The following RGS22 variants were observed in gnomAD, a reference collection of about 807,000 sequenced individuals.
The protein encoded by RGS22 is regulator of G protein signaling 22.
In RGS22, 148 loss-of-function variants were observed where a neutral mutation model predicts 172.9. That is an observed-to-expected ratio of 0.86 (90% CI 0.75 to 0.98). The LOEUF (loss-of-function observed/expected upper bound fraction) is 0.98, where lower values mean the gene tolerates loss of function less well. Among genes scored for constraint, RGS22 ranks in the 50% least tolerant of loss-of-function variants. RGS22 has a pLI of 0.00. For missense variants in RGS22, 1,347 were observed against 1,440.8 expected, an observed-to-expected ratio of 0.93 and a Z score of 1.05; for synonymous variants, 458 against 480.2, an observed-to-expected ratio of 0.95 and a Z score of 0.60.
chr8:100,019,907 G>A (rs1354963636), intron 14 of RGS22, among the ~76,000 whole-genome samples: 6 of 149,292 alleles, frequency 4.0e-5, no homozygotes, highest in African/African-American at 1.5e-4. Flanking sequence ...TTTTTTAGAT[G>A]GAGTTTCACT....
At chr8:100,023,084 A>G (rs906596444) in intron 14 of RGS22, among the ~76,000 whole-genome samples, 21 of 152,216 alleles carry the variant, frequency 1.4e-4, no homozygotes, top group African/African-American at 4.8e-4. Flanking sequence ...CAGTATGATA[A>G]TCTATGCTAA....
intron 14 of RGS22, among the ~76,000 whole-genome samples, chr8:100,025,003 TATAAATAA>T (rs71572051): frequency 0.02 from 2,892 of 147,334 alleles, 88 homozygotes; most frequent in East Asian, 0.11. Context: ...AAAGAGGATC[TATAAATAA>T]ATAAATAAAT....
At chr8:99,975,012 G>T (rs1811780665) in intron 23 of RGS22, among the ~76,000 whole-genome samples, 1 of 151,886 alleles carries the variant, frequency 6.6e-6, no homozygotes, top group African/African-American at 2.4e-5. Context: ...CAGGCGTGGT[G>T]GTATGCACCT....
At position 99,972,917 on chromosome 8, in the gene RGS22, C is replaced by T. The variant is rs143763388; in HGVS notation, c.3519+5000G>A. ...GGTGTGGTGGTGGGCGACTGTAGTC[C>T]CAGCTACTCGGGAGGCTGAGGCAGG... On this transcript the variant is annotated intron_variant, in intron 23 of 27. Coordinates refer to ENST00000360863, the MANE Select transcript of RGS22 (RefSeq NM_015668.5). Among the ~76,000 whole-genome samples, 1,083 of 150,758 alleles carry T rather than the reference C, an allele frequency of 7.2e-3. 19 individuals carry two copies. Among genetic ancestry groups the T allele is most frequent in the African/African-American group, 0.026 (1,049 of 40,876 alleles).
At chr8:100,014,447 C>T (rs1374232905) in intron 14 of RGS22, among the ~76,000 whole-genome samples, 2 of 152,218 alleles carry the variant, frequency 1.3e-5, no homozygotes, top group African/African-American at 4.8e-5. Flanking sequence ...GGAAGTCTGG[C>T]TTCCATGCCA....
At chr8:99,961,800 T>C (rs1409161193) in intron 27 of RGS22, among the ~76,000 whole-genome samples, 1 of 152,036 alleles carries the variant, frequency 6.6e-6, no homozygotes, top group African/African-American at 2.4e-5. Context: ...ATGAGTGGGC[T>C]AAGAACATTA....
At chr8:100,065,440 A>G (rs1463397374) in intron 7 of RGS22, among the ~76,000 whole-genome samples, 1 of 152,086 alleles carries the variant, frequency 6.6e-6, no homozygotes, top group East Asian at 1.9e-4. Flanking sequence ...CTTTACCTAG[A>G]CTCAGGTTCA....
chr8:100,011,893 G>A (rs1417297989), intron 14 of RGS22, among the ~76,000 whole-genome samples: 1 of 152,072 alleles, frequency 6.6e-6, no homozygotes, highest in East Asian at 1.9e-4. Context: ...ACAATGGAAA[G>A]TACAAATATG....
intron 2 of RGS22, among the ~76,000 whole-genome samples, chr8:100,095,179 C>T (rs754358902): frequency 1.3e-5 from 2 of 151,938 alleles, no homozygotes; most frequent in African/African-American, 2.4e-5. Flanking sequence ...ATGAGATACC[C>T]GTTTTATTTT....
intron 9 of RGS22, among the ~76,000 whole-genome samples, chr8:100,059,924 C>A (rs537793517): frequency 2.4e-4 from 37 of 152,216 alleles, no homozygotes; most frequent in Non-Finnish European, 4.4e-4. Flanking sequence ...TGGAGTCTTA[C>A]TGTGTTGCCC....
At chr8:100,089,199 CACACACACACAA>C (rs1191651151) in intron 3 of RGS22, among the ~76,000 whole-genome samples, 1 of 148,862 alleles carries the variant, frequency 6.7e-6, no homozygotes, top group African/African-American at 2.6e-5. Context: ...ACACGAGATA[CACACACACACAA>C]ACACACACAC....
Position 100,063,515 on chromosome 8 carries a change from A to C in RGS22, c.1253T>G (p.Phe418Cys). 1.2e-6 allele frequency: 2 copies of C among 1,613,950 alleles called. No individual in the cohort carries two copies. Among genetic ancestry groups the C allele is most frequent in the Non-Finnish European group, 1.7e-6 (2 of 1,179,900 alleles). The change falls in exon 8 of 28, where the codon TTT becomes TGT. Residue 418 changes from phenylalanine (F) to cysteine (C), a missense_variant. Coordinates refer to ENST00000360863, the MANE Select transcript of RGS22 (RefSeq NM_015668.5). ...CAATGTACCTTTTATAAATTTCTTA[A>C]ATCTTTCAAACTCCTTTCTATTGCC... Reference protein sequence around the residue: ...DIGNRKEFERFKKFIKGTLGE... With the variant: ...DIGNRKEFERCKKFIKGTLGE...
intron 23 of RGS22, among the ~76,000 whole-genome samples, chr8:99,969,264 C>A (rs936508557): frequency 1.3e-5 from 2 of 152,150 alleles, no homozygotes; most frequent in Admixed American, 6.5e-5. Context: ...AAAGGAAAAA[C>A]TGGTAACAGC....
chr8:99,978,675 AC>A (rs1167462263), intron 22 of RGS22, among the ~76,000 whole-genome samples: 2 of 152,246 alleles, frequency 1.3e-5, no homozygotes, highest in African/African-American at 2.4e-5. Context: ...TTCTATAAGG[AC>A]ACTTTAAGTG....
chr8:100,000,528 G>A (rs778916646), intron 18 of RGS22, among the ~76,000 whole-genome samples: 1 of 152,058 alleles, frequency 6.6e-6, no homozygotes, highest in African/African-American at 2.4e-5. Flanking sequence ...TGATGACAAA[G>A]ACAAAGAAGG....
At chr8:99,977,164 C>T (rs1812044939) in intron 23 of RGS22, among the ~76,000 whole-genome samples, 1 of 151,732 alleles carries the variant, frequency 6.6e-6, no homozygotes, top group Non-Finnish European at 1.5e-5. Flanking sequence ...AGTGTAGTGG[C>T]ATAATCTTGG....
intron 20 of RGS22, among the ~76,000 whole-genome samples, chr8:99,996,070 T>C (rs754031391): frequency 1.3e-4 from 17 of 126,906 alleles, no homozygotes; most frequent in Non-Finnish European, 2.3e-4. Flanking sequence ...ACGGGATCAC[T>C]TGGACACAGG....
chr8:100,033,871 T>C (rs1450411719), intron 14 of RGS22, among the ~76,000 whole-genome samples: 1 of 152,172 alleles, frequency 6.6e-6, no homozygotes, highest in Non-Finnish European at 1.5e-5. Context: ...AACCAGATGA[T>C]TATCTCAATA....
intron 24 of RGS22, 126 bp downstream of exon 24, chr8:99,965,209 C>G: frequency 1.9e-6 from 1 of 513,294 alleles, no homozygotes; most frequent in Non-Finnish European, 3.4e-6. Flanking sequence ...ATCTCTCCTA[C>G]TATTATAATT....
Sources: gnomAD v4.1 joint callset for allele counts (sites outside exome capture counted in the v4.1 genomes callset) on GRCh38, gnomAD v4.1.1 for gene constraint, MANE v1.5 for transcripts, NCBI Gene and HGNC (gene_info 2026-07-23, HGNC 2026-07-21) for gene names.